The following SPTLC1 variants were observed in gnomAD, a reference collection of about 807,000 sequenced individuals.
SPTLC1 encodes serine palmitoyltransferase long chain base subunit 1, also known as serine palmitoyltransferase 1.
In SPTLC1, 55 loss-of-function variants were observed where a neutral mutation model predicts 68.9. That is an observed-to-expected ratio of 0.80 (90% CI 0.64 to 1.00). The LOEUF (loss-of-function observed/expected upper bound fraction) is 1.00. SPTLC1 is among the 50% of genes least tolerant of loss of function. The pLI, the probability that SPTLC1 is intolerant of heterozygous loss-of-function variation, is 0.00. For missense variants in SPTLC1, 449 were observed against 573.1 expected (o/e 0.78, Z 2.21); for synonymous variants, 197 against 201.6 (o/e 0.98, Z 0.19).
intron 3 of SPTLC1, among the ~76,000 whole-genome samples, chr9:92,102,827 T>C (rs1490896964): frequency 6.6e-6 from 1 of 152,196 alleles, no homozygotes; most frequent in Admixed American, 6.5e-5. Flanking sequence ...TCTTTGAATA[T>C]AGATAGTTTT....
At chr9:92,087,481 G>C (rs1458372437) in intron 3 of SPTLC1, among the ~76,000 whole-genome samples, 1 of 152,164 alleles carries the variant, frequency 6.6e-6, no homozygotes, top group Admixed American at 6.6e-5. Flanking sequence ...CTCAGCTGCA[G>C]GTCTGTTGGA....
At chr9:92,101,237 G>A (rs184524607) in intron 3 of SPTLC1, among the ~76,000 whole-genome samples, 116 of 152,170 alleles carry the variant, frequency 7.6e-4, no homozygotes, top group Non-Finnish European at 1.4e-3. Flanking sequence ...TAGCCTGAAT[G>A]AGAAATTCAA....
At chr9:92,094,053 T>G (rs1191075346) in intron 3 of SPTLC1, among the ~76,000 whole-genome samples, 1 of 152,174 alleles carries the variant, frequency 6.6e-6, no homozygotes, top group Non-Finnish European at 1.5e-5. Context: ...CTAAAAGGTA[T>G]TTTAGAAAAG....
chr9:92,055,237 A>G, intron 8 of SPTLC1, 168 bp downstream of exon 8: 2 of 1,474,450 alleles, frequency 1.4e-6, no homozygotes, highest in African/African-American at 2.8e-5. Context: ...TTTGAAGGCC[A>G]GCACTGGCAT....
At chr9:92,080,993 A>G (rs200765101) in intron 3 of SPTLC1, 30 bp from the exon 4 acceptor site, 1 of 1,514,014 alleles carries the variant, frequency 6.6e-7, no homozygotes, top group African/African-American at 1.4e-5. Context: ...GTACATGTCA[A>G]TTACACATTC....
chr9:92,034,497 G>A (rs1833075656), intron 14 of SPTLC1, among the ~76,000 whole-genome samples: 1 of 152,134 alleles, frequency 6.6e-6, no homozygotes, highest in African/African-American at 2.4e-5. Context: ...GGAACTCCTG[G>A]TGTGGCATGT....
intron 3 of SPTLC1, chr9:92,104,925 C>G: frequency 6.5e-7 from 1 of 1,534,446 alleles, no homozygotes; most frequent in Non-Finnish European, 8.7e-7. Flanking sequence ...GTCGCCAGTT[C>G]ACACAGCCCT....
chr9:92,062,837 T>C (rs2118564166), intron 6 of SPTLC1, among the ~76,000 whole-genome samples: 1 of 152,074 alleles, frequency 6.6e-6, no homozygotes, highest in South Asian at 2.1e-4. Context: ...TAAATACAAA[T>C]GAAAACACAA....
At chr9:92,077,694 T>G (rs1395625255) in intron 5 of SPTLC1, among the ~76,000 whole-genome samples, 1 of 152,202 alleles carries the variant, frequency 6.6e-6, no homozygotes, top group African/African-American at 2.4e-5. Flanking sequence ...TCTCACGTAC[T>G]TCTAAATGCC....
chr9:92,105,226 G>A lies in SPTLC1; in HGVS notation c.260+3514C>T, dbSNP rs1048111390. The A allele has an allele frequency of 2.6e-5, 40 of 1,534,152 alleles. No homozygotes were observed. In the Admixed American group the frequency reaches 7.6e-4, roughly 29 times the overall value. On this transcript the variant is annotated intron_variant, in intron 3 of 14. Coordinates refer to ENST00000262554, the MANE Select transcript of SPTLC1 (RefSeq NM_006415.4). Reference sequence around the variant, plus strand: ...TGCAACCGACCCCTCCCCTGCAACTGAGGTGGGAGAGAGATGAGGGGCCCC... The same window carrying A: ...TGCAACCGACCCCTCCCCTGCAACTAAGGTGGGAGAGAGATGAGGGGCCCC...
Position 92,047,255 on chromosome 9 carries a change from T to A in SPTLC1, c.998A>T (p.Gln333Leu). 6.2e-7 allele frequency: 1 copy of A among 1,614,096 alleles called. No homozygotes were observed. Among genetic ancestry groups the A allele is most frequent in the South Asian group, 1.1e-5 (1 of 91,084 alleles). The change falls in exon 11 of 15, where the codon CAG becomes CTG. Residue 333 changes from glutamine to leucine, a missense_variant. By Grantham distance (113) the Gln-to-Leu change is moderately radical. Around this residue, in one of 3 missense-constraint regions of SPTLC1, gnomAD observed 391 missense variants for 472.1 expected, o/e 0.83. Transcript: ENST00000262554. ...TAACGAAGCTGAAAAGCAGTATCCC[T>A]GGCCGGAAAGTCGCTGAGAAGAAAC... The part of the protein sequence containing the change: ...FVIDHQRLSG[Q>L]GYCFSASLPP...
chr9:92,083,057 C>A (rs1834952660), intron 3 of SPTLC1, among the ~76,000 whole-genome samples: 1 of 151,776 alleles, frequency 6.6e-6, no homozygotes, highest in South Asian at 2.1e-4. Context: ...AGTGTCTGTT[C>A]ATGTCCTTTG....
chr9:92,032,600 A>G (rs1197929380), intron 14 of SPTLC1, 42 bp from the exon 15 acceptor site: 2 of 1,612,620 alleles, frequency 1.2e-6, no homozygotes, highest in Non-Finnish European at 1.7e-6. Flanking sequence ...TTTGTGGGCC[A>G]GGCGCAGTGG....
At chr9:92,040,933 C>G (rs1025337387) in intron 12 of SPTLC1, among the ~76,000 whole-genome samples, 1 of 152,114 alleles carries the variant, frequency 6.6e-6, no homozygotes, top group African/African-American at 2.4e-5. Context: ...TAAAACCAAA[C>G]GGACACAGTT....
intron 5 of SPTLC1, among the ~76,000 whole-genome samples, chr9:92,074,821 C>G (rs564990462): frequency 3.9e-5 from 6 of 152,234 alleles, no homozygotes; most frequent in Non-Finnish European, 8.8e-5. Flanking sequence ...CTCTCCTATC[C>G]TCAATACCGC....
At chr9:92,060,736 C>T (rs1302805583) in intron 6 of SPTLC1, among the ~76,000 whole-genome samples, 2 of 147,004 alleles carry the variant, frequency 1.4e-5, no homozygotes, top group East Asian at 4.0e-4. Flanking sequence ...GAAACCCCAT[C>T]TCTACTTAAA....
intron 12 of SPTLC1, among the ~76,000 whole-genome samples, chr9:92,044,749 G>A (rs1191008569): frequency 2.0e-5 from 3 of 152,192 alleles, no homozygotes; most frequent in Non-Finnish European, 4.4e-5. Flanking sequence ...CTACAGGAGG[G>A]AAGACTGGTT....
chr9:92,039,677 G>A (rs2118383419), intron 12 of SPTLC1, among the ~76,000 whole-genome samples: 1 of 152,250 alleles, frequency 6.6e-6, no homozygotes, highest in Non-Finnish European at 1.5e-5. Flanking sequence ...CCCTCAGAAT[G>A]AAATGACAAT....
At chr9:92,084,146 G>T (rs1162383578) in intron 3 of SPTLC1, among the ~76,000 whole-genome samples, 1 of 151,322 alleles carries the variant, frequency 6.6e-6, no homozygotes, top group Admixed American at 6.6e-5. Flanking sequence ...TTTGGGCTGA[G>T]ACAATGGGGT....
Sources: allele counts gnomAD v4.1 joint callset (sites outside exome capture counted in the v4.1 genomes callset), GRCh38; gene constraint gnomAD v4.1.1; regional missense constraint gnomAD v4.1.1; transcripts MANE v1.5; gene names NCBI Gene and HGNC (gene_info 2026-07-23, HGNC 2026-07-21).